DYNC1I1: variants seen among roughly 807,000 people sequenced by gnomAD.
The protein encoded by DYNC1I1 is cytoplasmic dynein 1 intermediate chain 1.
DYNC1I1 carries 43 observed loss-of-function variants against 86.6 expected under a neutral mutation model. The observed-to-expected ratio is 0.50, with a 90% CI of 0.39 to 0.64. The LOEUF (loss-of-function observed/expected upper bound fraction) is 0.64, where lower values mean the gene tolerates loss of function less well. Ranked by LOEUF, DYNC1I1 falls within the 30% of genes least tolerant of loss-of-function variation. The pLI is 0.00. For synonymous variants in DYNC1I1, 262 were observed against 283.7 expected (o/e 0.92, Z 0.77); for missense variants, 604 against 788.8 (o/e 0.77, Z 2.81).
chr7:96,001,022 T>C (rs1406964399), intron 10 of DYNC1I1, among the ~76,000 whole-genome samples: 1 of 152,136 alleles, frequency 6.6e-6, no homozygotes, highest in African/African-American at 2.4e-5. Flanking sequence ...AAGCTAAAGT[T>C]TCATATCATT....
chr7:96,018,173 T>C (rs1794447022), intron 10 of DYNC1I1, among the ~76,000 whole-genome samples: 1 of 152,084 alleles, frequency 6.6e-6, no homozygotes, highest in African/African-American at 2.4e-5. Context: ...GCCATCTGGG[T>C]ATGCATGAGG....
At chr7:96,031,928 C>A (rs1270475826) in intron 11 of DYNC1I1, among the ~76,000 whole-genome samples, 1 of 152,118 alleles carries the variant, frequency 6.6e-6, no homozygotes. Context: ...GGATAACCCA[C>A]TAGAGTATGA....
chr7:95,946,165 A>C (rs1415131729), intron 6 of DYNC1I1, among the ~76,000 whole-genome samples: 2 of 151,898 alleles, frequency 1.3e-5, no homozygotes, highest in African/African-American at 4.8e-5. Flanking sequence ...GGGCAGGGGG[A>C]GGGAGAGCAT....
intron 1 of DYNC1I1, among the ~76,000 whole-genome samples, chr7:95,789,428 A>C (rs529678291): frequency 2.0e-5 from 3 of 152,318 alleles, no homozygotes; most frequent in East Asian, 3.9e-4. Context: ...AAAGTTGATT[A>C]ATCTTTCGAG....
intron 5 of DYNC1I1, among the ~76,000 whole-genome samples, chr7:95,860,416 TAG>T (rs1323434201): frequency 6.6e-6 from 1 of 152,242 alleles, no homozygotes; most frequent in South Asian, 2.1e-4. Flanking sequence ...GAAGAAATTT[TAG>T]AGTACTAGGA....
intron 10 of DYNC1I1, among the ~76,000 whole-genome samples, chr7:95,997,663 A>AT (rs1305828654): frequency 6.7e-6 from 1 of 149,678 alleles, no homozygotes. Context: ...TCCAACAAAC[A>AT]TTTTTTTTAG....
chr7:96,068,724 A>C (rs956317547), intron 14 of DYNC1I1, among the ~76,000 whole-genome samples: 7 of 152,220 alleles, frequency 4.6e-5, no homozygotes, highest in African/African-American at 1.7e-4. Flanking sequence ...TGAAGGGGGA[A>C]TCAAAGTGTA....
chr7:95,907,798 A>G lies in DYNC1I1; in HGVS notation c.490+37800A>G, dbSNP rs114269677. ...TGTTTTTTTTTTTTTTGGTCTCAGAATATATATATATATTCAACATTCAAT... is the reference window on the plus strand; with the variant it reads ...TGTTTTTTTTTTTTTTGGTCTCAGAGTATATATATATATTCAACATTCAAT... On this transcript the variant is annotated intron_variant, in intron 6 of 16. Coordinates refer to ENST00000447467, the MANE Select transcript of DYNC1I1 (RefSeq NM_001135556.2). Among the ~76,000 whole-genome samples, 1,394 of 149,352 alleles carry G rather than the reference A, an allele frequency of 9.3e-3. 25 individuals carry two copies. The highest frequency in any genetic ancestry group is 0.033 in the African/African-American group (1,346 of 40,240).
intron 1 of DYNC1I1, among the ~76,000 whole-genome samples, chr7:95,790,299 T>TG (rs1244139995): frequency 1.3e-5 from 2 of 152,182 alleles, no homozygotes; most frequent in African/African-American, 4.8e-5. Context: ...GGTCTCTGAC[T>TG]GCCTTTCCAT....
intron 5 of DYNC1I1, among the ~76,000 whole-genome samples, chr7:95,855,600 C>G (rs1789697927): frequency 6.6e-6 from 1 of 152,164 alleles, no homozygotes; most frequent in Admixed American, 6.5e-5. Context: ...ATAGAATGTA[C>G]TTACACAAGC....
chr7:95,950,824 A>G (rs1031611701), intron 6 of DYNC1I1, among the ~76,000 whole-genome samples: 2 of 152,240 alleles, frequency 1.3e-5, no homozygotes, highest in Non-Finnish European at 2.9e-5. Flanking sequence ...ATACCCAACA[A>G]TAAAGATCAC....
intron 14 of DYNC1I1, among the ~76,000 whole-genome samples, chr7:96,046,037 G>A (rs1007123090): frequency 3.3e-5 from 5 of 152,118 alleles, no homozygotes; most frequent in Admixed American, 1.3e-4. Context: ...ACCTCCTGCC[G>A]CACCACGTTT....
At chr7:95,946,354 G>A (rs1229892544) in intron 6 of DYNC1I1, among the ~76,000 whole-genome samples, 1 of 152,048 alleles carries the variant, frequency 6.6e-6, no homozygotes, top group African/African-American at 2.4e-5. Context: ...ACAAAAAGAT[G>A]TTCTTTCTAC....
intron 11 of DYNC1I1, among the ~76,000 whole-genome samples, chr7:96,030,851 G>A (rs1794792398): frequency 6.6e-6 from 1 of 151,988 alleles, no homozygotes; most frequent in African/African-American, 2.4e-5. Flanking sequence ...CCAGAGACTT[G>A]GGAAAGAGCA....
intron 5 of DYNC1I1, among the ~76,000 whole-genome samples, chr7:95,851,168 C>G (rs1039546292): frequency 6.6e-6 from 1 of 151,966 alleles, no homozygotes; most frequent in African/African-American, 2.4e-5. Context: ...CCCCTGGCCT[C>G]AAGCAATCCT....
chr7:95,916,309 C>T (rs1470193161), intron 6 of DYNC1I1, among the ~76,000 whole-genome samples: 1 of 152,102 alleles, frequency 6.6e-6, no homozygotes, highest in African/African-American at 2.4e-5. Flanking sequence ...CTTTGATTGG[C>T]GAGCTTTTCT....
intron 6 of DYNC1I1, among the ~76,000 whole-genome samples, chr7:95,881,708 G>C (rs777392317): frequency 2.0e-5 from 3 of 152,204 alleles, no homozygotes; most frequent in Non-Finnish European, 4.4e-5. Flanking sequence ...AGATTGAGCC[G>C]ATGGCTCAAA....
intron 5 of DYNC1I1, among the ~76,000 whole-genome samples, chr7:95,847,543 A>G (rs1177714274): frequency 1.3e-5 from 2 of 152,172 alleles, no homozygotes; most frequent in East Asian, 3.8e-4. Context: ...CATGTTTTAA[A>G]TGTTGTCTTG....
chr7:95,777,706 C>T (rs375611239), intron 1 of DYNC1I1, among the ~76,000 whole-genome samples: 24 of 152,142 alleles, frequency 1.6e-4, no homozygotes, highest in Admixed American at 7.2e-4. Flanking sequence ...GCAGAAATTT[C>T]GGTCAGAGTT....
Sources: allele counts gnomAD v4.1 joint callset (sites outside exome capture counted in the v4.1 genomes callset), GRCh38; gene constraint gnomAD v4.1.1; transcripts MANE v1.5; gene names NCBI Gene and HGNC (gene_info 2026-07-23, HGNC 2026-07-21).